MARCHF1: variants seen among roughly 807,000 people sequenced by gnomAD.
MARCHF1 encodes the protein membrane associated ring-CH-type finger 1.
Under a neutral mutation model 54.2 loss-of-function variants are expected in MARCHF1, and 40 were observed. The observed-to-expected ratio is 0.74, with a 90% CI of 0.57 to 0.96. The LOEUF is 0.96. MARCHF1 is among the 40% of genes least tolerant of loss of function. MARCHF1 has a pLI of 0.00. For synonymous variants in MARCHF1, 236 were observed against 236.3 expected (o/e 1.00, Z 0.01); for missense variants, 586 against 656.5 (o/e 0.89, Z 1.17).
In MARCHF1 at chr4:163,915,755, T is replaced by C. The variant is rs76406969; in HGVS notation, c.-38-61586A>G. On this transcript the variant is annotated intron_variant, in intron 3 of 9. Coordinates refer to ENST00000514618, the MANE Select transcript of MARCHF1 (RefSeq NM_001394959.1). The stretch of plus-strand genomic sequence containing the variant: ...TAATTATAAAGAATGAATAAGTGTT[T>C]ATTGATCCATATTTATGGAAATGGG... Among the ~76,000 whole-genome samples, 993 of 152,228 alleles carry C rather than the reference T, an allele frequency of 6.5e-3. 9 individuals are homozygous for C. The highest frequency in any genetic ancestry group is 0.022 in the African/African-American group (933 of 41,546).
At chr4:163,953,068 C>T (rs1337046213) in intron 3 of MARCHF1, among the ~76,000 whole-genome samples, 1 of 152,100 alleles carries the variant, frequency 6.6e-6, no homozygotes, top group East Asian at 1.9e-4. Flanking sequence ...ATTTTTTGAC[C>T]TCCATGTTCT....
At chr4:164,316,487 A>G (rs958630747) in intron 1 of MARCHF1, among the ~76,000 whole-genome samples, 1 of 152,144 alleles carries the variant, frequency 6.6e-6, no homozygotes, top group African/African-American at 2.4e-5. Context: ...TGTGCTTCCT[A>G]TAAAAAGGAT....
intron 4 of MARCHF1, among the ~76,000 whole-genome samples, chr4:163,816,413 A>C (rs1346779459): frequency 6.6e-6 from 1 of 151,760 alleles, no homozygotes; most frequent in Non-Finnish European, 1.5e-5. Context: ...TTCAAGTTCA[A>C]CTAAAACTCT....
chr4:164,176,277 T>C (rs1730660771), intron 1 of MARCHF1, among the ~76,000 whole-genome samples: 1 of 152,174 alleles, frequency 6.6e-6, no homozygotes, highest in South Asian at 2.1e-4. Flanking sequence ...TACTTGGTCT[T>C]CACTGATGTA....
intron 1 of MARCHF1, among the ~76,000 whole-genome samples, chr4:164,159,715 T>G (rs1232536407): frequency 6.6e-6 from 1 of 152,188 alleles, no homozygotes; most frequent in Non-Finnish European, 1.5e-5. Flanking sequence ...AAGGAAATAT[T>G]TATGAAGCAT....
chr4:163,683,530 G>C (rs1158905014), intron 5 of MARCHF1, among the ~76,000 whole-genome samples: 1 of 152,066 alleles, frequency 6.6e-6, no homozygotes, highest in Non-Finnish European at 1.5e-5. Context: ...AAATATTAAA[G>C]ATAAGGGACT....
At chr4:163,534,202 A>C (rs1285621247) in intron 9 of MARCHF1, among the ~76,000 whole-genome samples, 2 of 152,076 alleles carry the variant, frequency 1.3e-5, no homozygotes, top group Non-Finnish European at 2.9e-5. Flanking sequence ...TGGCAAACAC[A>C]GCATTCGTGC....
intron 1 of MARCHF1, among the ~76,000 whole-genome samples, chr4:164,376,746 T>C (rs1442204026): frequency 6.6e-6 from 1 of 152,084 alleles, no homozygotes. Flanking sequence ...AGATAAGACA[T>C]GCTAGTAAAG....
At chr4:164,165,209 A>C (rs143808934) in intron 1 of MARCHF1, among the ~76,000 whole-genome samples, 6,906 of 152,148 alleles carry the variant, frequency 0.045, 218 homozygotes, top group Middle Eastern at 0.15. Context: ...AATATTTGTA[A>C]CATAAGTTGA....
intron 1 of MARCHF1, among the ~76,000 whole-genome samples, chr4:164,328,093 A>G (rs1390310707): frequency 6.6e-6 from 1 of 152,234 alleles, no homozygotes; most frequent in Non-Finnish European, 1.5e-5. Context: ...CAGAAGGCTA[A>G]CTGTGGATCT....
At chr4:164,119,320 CTT>C (rs1305000230) in intron 1 of MARCHF1, among the ~76,000 whole-genome samples, 5 of 150,650 alleles carry the variant, frequency 3.3e-5, no homozygotes, top group Admixed American at 6.6e-5. Context: ...ATAATGAAAA[CTT>C]AGACTGTCAG....
At chr4:164,338,353 G>C (rs1213176302) in intron 1 of MARCHF1, among the ~76,000 whole-genome samples, 2 of 151,990 alleles carry the variant, frequency 1.3e-5, no homozygotes, top group Non-Finnish European at 2.9e-5. Flanking sequence ...AGCAAAAATG[G>C]TTTAAAAGAA....
At chr4:163,774,147 G>A (rs1747238639) in intron 4 of MARCHF1, among the ~76,000 whole-genome samples, 1 of 152,040 alleles carries the variant, frequency 6.6e-6, no homozygotes, top group South Asian at 2.1e-4. Context: ...TATAACCTGT[G>A]CATATCCTCT....
chr4:164,114,727 A>T (rs1755905720), intron 1 of MARCHF1, among the ~76,000 whole-genome samples: 1 of 151,814 alleles, frequency 6.6e-6, no homozygotes, highest in African/African-American at 2.4e-5. Flanking sequence ...GACAAGAAAA[A>T]AATGGGAAAC....
chr4:163,611,352 G>A (rs190616531), intron 7 of MARCHF1, among the ~76,000 whole-genome samples: 33 of 152,102 alleles, frequency 2.2e-4, no homozygotes, highest in Admixed American at 2.1e-3. Context: ...ATGGACATGA[G>A]CAGCCTTCTC....
At position 164,080,668 on chromosome 4, in the gene MARCHF1, GTGTA is replaced by G. The variant is rs1329451964; in HGVS notation, c.-248+30916_-248+30919del. 3.5e-3 allele frequency among the ~76,000 whole-genome samples: 528 copies of G among 150,446 alleles called. 3 individuals are homozygous for G. Among genetic ancestry groups the G allele is most frequent in the African/African-American group, 0.011 (458 of 40,960 alleles). ...TTCTATTGTGTGTGTGTGTGTGTGT[GTGTA>G]TATATATATATATGTGTGTGTATAT... On this transcript the variant is annotated intron_variant, in intron 2 of 9. Coordinates refer to ENST00000514618, the MANE Select transcript of MARCHF1 (RefSeq NM_001394959.1).
chr4:164,085,203 A>G (rs1049046890), intron 2 of MARCHF1, among the ~76,000 whole-genome samples: 1 of 151,856 alleles, frequency 6.6e-6, no homozygotes, highest in Non-Finnish European at 1.5e-5. Flanking sequence ...TTTGAATTAC[A>G]GCAAAATTCA....
At chr4:164,316,160 G>T (rs1339888043) in intron 1 of MARCHF1, among the ~76,000 whole-genome samples, 1 of 152,132 alleles carries the variant, frequency 6.6e-6, no homozygotes, top group African/African-American at 2.4e-5. Flanking sequence ...TATTACTCAA[G>T]GTTATTCAGC....
intron 1 of MARCHF1, among the ~76,000 whole-genome samples, chr4:164,176,941 GCTCTCTCTCTCTCTCTCT>G (rs57770641): frequency 0.23 from 13,242 of 58,276 alleles, 2,218 homozygotes; most frequent in Admixed American, 0.39. Context: ...TACCTTGTGC[GCTCTCTCTCTCTCTCTCT>G]CTCTCTCTCT....
Sources: allele counts gnomAD v4.1 joint callset (sites outside exome capture counted in the v4.1 genomes callset), GRCh38; gene constraint gnomAD v4.1.1; transcripts MANE v1.5; gene names NCBI Gene and HGNC (gene_info 2026-07-23, HGNC 2026-07-21).